OSBPL10: variants seen among roughly 807,000 people sequenced by gnomAD.
OSBPL10 encodes the protein oxysterol binding protein like 10.
A neutral mutation model predicts 81.7 loss-of-function variants in OSBPL10; 49 were observed. The ratio of observed to expected loss-of-function variants is 0.60; its 90% confidence interval spans 0.48 to 0.76. The LOEUF (loss-of-function observed/expected upper bound fraction) is 0.76, where lower values mean the gene tolerates loss of function less well. Among genes scored for constraint, OSBPL10 ranks in the 30% least tolerant of loss-of-function variants. OSBPL10 has a pLI of 0.00. For missense variants in OSBPL10, 923 were observed against 987.8 expected (o/e 0.93, Z 0.88); for synonymous variants, 419 against 383.6 (o/e 1.09, Z -1.08).
chr3:31,809,521 C>T lies in OSBPL10; in HGVS notation c.729+20519G>A, dbSNP rs181385714. On this transcript the variant is annotated intron_variant, in intron 4 of 11. Transcript: ENST00000396556. ...AATAATGTATAAATTTAATGCACTC[C>T]GAATAAAAGTGCCAGTAGGGTGGTG... Among the ~76,000 whole-genome samples, 123 of 152,194 alleles carry T rather than the reference C, an allele frequency of 8.1e-4. No homozygotes were observed. The Middle Eastern group carries it at 0.01, about 13-fold the overall frequency.
intron 3 of OSBPL10, among the ~76,000 whole-genome samples, chr3:31,867,742 A>G (rs1701215585): frequency 7.2e-6 from 1 of 139,018 alleles, no homozygotes; most frequent in South Asian, 2.8e-4. Context: ...ACAAGAAGAA[A>G]GAGAAAGGAA....
intron 7 of OSBPL10, among the ~76,000 whole-genome samples, chr3:31,699,393 G>T (rs1306216014): frequency 6.6e-6 from 1 of 152,164 alleles, no homozygotes; most frequent in African/African-American, 2.4e-5. Context: ...CCTCACTGTG[G>T]TTCCTCCATC....
intron 3 of OSBPL10, among the ~76,000 whole-genome samples, chr3:31,850,064 C>T (rs1038868371): frequency 2.0e-5 from 3 of 152,128 alleles, no homozygotes; most frequent in Non-Finnish European, 4.4e-5. Flanking sequence ...ACTCGGGAGG[C>T]TGAGGCAGGA....
At chr3:31,979,716 A>C (rs928701530) in intron 1 of OSBPL10, among the ~76,000 whole-genome samples, 13 of 151,706 alleles carry the variant, frequency 8.6e-5, no homozygotes, top group African/African-American at 2.2e-4. Flanking sequence ...AAATTGAAAA[A>C]AAAAACAAAA....
intron 7 of OSBPL10, among the ~76,000 whole-genome samples, chr3:31,688,530 G>A (rs936920823): frequency 6.6e-6 from 1 of 152,080 alleles, no homozygotes; most frequent in African/African-American, 2.4e-5. Flanking sequence ...AAAACTGTAA[G>A]CTCTTAGTGG....
chr3:31,779,264 T>C (rs1430709528), intron 4 of OSBPL10, among the ~76,000 whole-genome samples: 2 of 152,118 alleles, frequency 1.3e-5, no homozygotes, highest in Non-Finnish European at 2.9e-5. Flanking sequence ...ACTTAAAAAA[T>C]ACAGAATGGC....
In OSBPL10 at chr3:31,783,146, T is replaced by TACACAC. The variant is rs1553625121; in HGVS notation, c.730-35032_730-35027dup. On this transcript the variant is annotated intron_variant, in intron 4 of 11. Coordinates refer to ENST00000396556, the MANE Select transcript of OSBPL10 (RefSeq NM_017784.5). ...ATATATATATATATATATATATATA[T>TACACAC]ACACACACACCATAGAATACTACTC... Among the ~76,000 whole-genome samples, 561 of 111,890 alleles carry TACACAC rather than the reference T, an allele frequency of 5.0e-3. 5 individuals carry two copies. Among genetic ancestry groups the TACACAC allele is most frequent in the Middle Eastern group, 0.011 (2 of 190 alleles). The allele number at this position is 111,890 out of a possible 152,430, so 73.4% of individuals were successfully genotyped here. A position where few individuals can be genotyped will look rare whatever the true frequency, so the allele number is the denominator to read the frequency against.
At chr3:32,009,042 T>C (rs1699229503) in intron 2 of OSBPL10, among the ~76,000 whole-genome samples, 1 of 152,244 alleles carries the variant, frequency 6.6e-6, no homozygotes, top group African/African-American at 2.4e-5. Context: ...TGTACTTTTC[T>C]ATACTGTTTA....
intron 4 of OSBPL10, among the ~76,000 whole-genome samples, chr3:31,774,438 C>G (rs1052547494): frequency 6.6e-6 from 1 of 152,178 alleles, no homozygotes; most frequent in African/African-American, 2.4e-5. Context: ...GGTACAGTGT[C>G]TAGCAACAGA....
At chr3:31,782,313 AG>A (rs1157838805) in intron 4 of OSBPL10, among the ~76,000 whole-genome samples, 30 of 152,344 alleles carry the variant, frequency 2.0e-4, no homozygotes, top group Non-Finnish European at 3.1e-4. Context: ...CTTAAATATA[AG>A]ACCTAAAACC....
chr3:32,065,015 A>T (rs1051515721), intron 1 of OSBPL10: 1 of 93,368 alleles, frequency 1.1e-5, no homozygotes, highest in African/African-American at 2.8e-5. Flanking sequence ...AGAAAATTAT[A>T]ATCAATTTCT....
At chr3:31,718,935 T>C (rs1176505193) in intron 6 of OSBPL10, 1 of 152,204 alleles carries the variant, frequency 6.6e-6, no homozygotes, top group Non-Finnish European at 1.5e-5. Context: ...GTAGGAAAAC[T>C]ACCTCTTCAC....
At chr3:31,676,530 A>G (rs1700481247) in intron 8 of OSBPL10, among the ~76,000 whole-genome samples, 2 of 152,248 alleles carry the variant, frequency 1.3e-5, no homozygotes, top group South Asian at 4.1e-4. Context: ...TAAACTTAAA[A>G]TAATTTTGTG....
chr3:31,950,079 T>G (rs1388487177), intron 1 of OSBPL10, among the ~76,000 whole-genome samples: 1 of 152,184 alleles, frequency 6.6e-6, no homozygotes, highest in Non-Finnish European at 1.5e-5. Context: ...GGGATGACTG[T>G]TTCTGCCAGT....
chr3:31,815,185 A>C (rs12495125), intron 4 of OSBPL10, among the ~76,000 whole-genome samples: 37 of 18,954 alleles, frequency 2.0e-3, no homozygotes, highest in Non-Finnish European at 8.8e-4. Context: ...GCCCTGAGAC[A>C]ACATGAACAC....
rs199727088 is a variant in OSBPL10, at chr3:31,971,941, T to TC, written c.281+8957dup. Among the ~76,000 whole-genome samples, 863 of 152,280 alleles carry TC rather than the reference T, an allele frequency of 5.7e-3. 8 individuals are homozygous for TC. The highest frequency in any genetic ancestry group is 0.054 in the Middle Eastern group (16 of 294). On this transcript the variant is annotated intron_variant, in intron 1 of 11. Transcript: ENST00000396556. ...TCCTTAAGGTAGGGCCTGTGCTTCTTCCTCCTGTCTCCTGCTTCTCACATG... is the reference window on the plus strand; with the variant it reads ...TCCTTAAGGTAGGGCCTGTGCTTCTTCCCTCCTGTCTCCTGCTTCTCACATG...
chr3:31,706,824 A>G (rs545892754), intron 6 of OSBPL10, among the ~76,000 whole-genome samples: 1 of 152,168 alleles, frequency 6.6e-6, no homozygotes, highest in African/African-American at 2.4e-5. Flanking sequence ...TGAAATAGAC[A>G]TTTGTCTGCA....
chr3:31,765,016 TTTTTTTC>T (rs1698153701), intron 4 of OSBPL10, among the ~76,000 whole-genome samples: 1 of 152,046 alleles, frequency 6.6e-6, no homozygotes, highest in Non-Finnish European at 1.5e-5. Flanking sequence ...AACTAACTAC[TTTTTTTC>T]TTTTTTTTTC....
At position 31,915,912 on chromosome 3, in the gene OSBPL10, G is replaced by A. The variant is rs1226014321; in HGVS notation, c.282-36082C>T. 1.1e-4 allele frequency among the ~76,000 whole-genome samples: 16 copies of A among 152,014 alleles called. 1 individual carries two copies. Among genetic ancestry groups the A allele is most frequent in the East Asian group, 5.8e-4 (3 of 5,162 alleles). On this transcript the variant is annotated intron_variant, in intron 1 of 11. Coordinates refer to ENST00000396556, the MANE Select transcript of OSBPL10 (RefSeq NM_017784.5). ...AGTTCAAGACCAGCCTGACCAATAC[G>A]GCGAAACCCCGTCTCTACTAAAAAA...
Sources: gnomAD v4.1 joint callset for allele counts (sites outside exome capture counted in the v4.1 genomes callset) on GRCh38, gnomAD v4.1.1 for gene constraint, MANE v1.5 for transcripts, NCBI Gene and HGNC (gene_info 2026-07-23, HGNC 2026-07-21) for gene names.